The following CSF1R variants were observed in gnomAD, a reference collection of about 807,000 sequenced individuals.
CSF1R encodes colony stimulating factor 1 receptor, also known as macrophage colony-stimulating factor 1 receptor.
A neutral mutation model predicts 110.0 loss-of-function variants in CSF1R; 40 were observed. The ratio of observed to expected loss-of-function variants is 0.36; its 90% CI spans 0.28 to 0.47. The LOEUF (loss-of-function observed/expected upper bound fraction) is 0.47. Among genes scored for constraint, CSF1R ranks in the 20% least tolerant of loss-of-function variants. The probability of loss-of-function intolerance (pLI) is 0.99; values close to 1 mark genes in which losing one functional copy is unlikely to be tolerated. For synonymous variants in CSF1R, 523 were observed against 503.4 expected (o/e 1.04, Z -0.52); for missense variants, 1,052 against 1,253.0 (o/e 0.84, Z 2.42).
intron 12 of CSF1R, among the ~76,000 whole-genome samples, 158 bp from the exon 13 acceptor site, chr5:150,061,130 C>T (rs528454617): frequency 2.6e-5 from 4 of 152,280 alleles, no homozygotes; most frequent in South Asian, 2.1e-4. Flanking sequence ...AGGAAAAATG[C>T]AGACACACAG....
In CSF1R at chr5:150,080,245, C is replaced by T; in HGVS notation, c.399G>A (p.Val133=). The T allele has an allele frequency of 6.2e-7, 1 of 1,614,034 alleles. No individual in the cohort carries two copies. The highest frequency in any genetic ancestry group is 1.3e-5 in the African/African-American group (1 of 75,064). ...ALLPCLLTDP[V]LEAGVSLVRV... ...GCACCAGCGAGACGCCTGCTTCCAG[C>T]ACCGGGTCTGTGAGCAGACAGGGCA... is the stretch of plus-strand genomic sequence containing the variant. The change falls in exon 3 of 21, where the codon GTG becomes GTA. Residue 133 remains valine, a synonymous_variant. Transcript: ENST00000675795.
upstream of CSF1R, among the ~76,000 whole-genome samples, chr5:150,088,077 G>A (rs543415255): frequency 8.1e-4 from 123 of 152,164 alleles, 2 homozygotes; most frequent in African/African-American, 2.8e-3. Flanking sequence ...ATATAACATT[G>A]ATCCAGGAAA....
rs1381683092 is a variant in CSF1R at position 150,080,973 on chromosome 5, G to A, written c.101C>T (p.Pro34Leu). ...EPSVPELVVK[P>L]GATVTLRCVG... ...ACATCGCAAGGTCACCGTTGCTCCT[G>A]GCTTCACGACCAGCTCAGGGACACT... The change falls in exon 2 of 21, where the codon CCA becomes CTA. Residue 34 changes from proline to leucine, a missense_variant. Coordinates refer to ENST00000675795, the MANE Select transcript of CSF1R (RefSeq NM_001288705.3). 6.2e-7 allele frequency: 1 copy of A among 1,614,116 alleles called. No homozygotes were observed. Among genetic ancestry groups the A allele is most frequent in the Middle Eastern group, 1.7e-4 (1 of 6,058 alleles).
chr5:150,112,193 C>G (rs1278480029), intron 1 of CSF1R, among the ~76,000 whole-genome samples: 1 of 151,946 alleles, frequency 6.6e-6, no homozygotes, highest in Non-Finnish European at 1.5e-5. Flanking sequence ...CTGACGACTA[C>G]CCTCACACTT....
intron 1 of CSF1R, among the ~76,000 whole-genome samples, chr5:150,109,899 T>C (rs1759667417): frequency 1.3e-5 from 2 of 152,210 alleles, no homozygotes; most frequent in East Asian, 1.9e-4. Context: ...CAGTAGGAGA[T>C]TGGTGTTAAA....
At chr5:150,068,446 T>G (rs1343853038) in intron 9 of CSF1R, 116 bp from the exon 10 acceptor site, 4 of 653,130 alleles carry the variant, frequency 6.1e-6, no homozygotes, top group Non-Finnish European at 7.9e-6. Context: ...GTTGACTGAA[T>G]GAAGCATCCT....
intron 1 of CSF1R, among the ~76,000 whole-genome samples, chr5:150,112,227 C>A (rs909012732): frequency 5.4e-4 from 37 of 68,370 alleles, no homozygotes; most frequent in African/African-American, 1.5e-3. Flanking sequence ...ACTTCTTTAA[C>A]TAGAAAAACA....
intron 19 of CSF1R, 34 bp downstream of exon 19, chr5:150,055,203 T>C: frequency 6.3e-7 from 1 of 1,578,636 alleles, no homozygotes; most frequent in Non-Finnish European, 8.7e-7. Context: ...AAGCCTGGGG[T>C]GTCCTTTTCC....
In CSF1R at chr5:150,077,306, G is replaced by C. The variant is rs2113824061; in HGVS notation, c.859C>G (p.His287Asp). ...ACCCGGAAGAACATGGAGGTGGAGT[G>C]CTTGCCCTGCACGTTGCTGGCCACG... ...SCVASNVQGK[H>D]STSMFFRVVE... The change falls in exon 5 of 21, where the codon CAC becomes GAC. Residue 287 changes from histidine (H) to aspartate (D), a missense_variant. His to Asp is a moderately conservative substitution (Grantham distance 81). Transcript: ENST00000675795. 1 of 1,614,224 alleles carries C rather than the reference G, an allele frequency of 6.2e-7. No homozygotes were observed. Among genetic ancestry groups the C allele is most frequent in the Non-Finnish European group, 8.5e-7 (1 of 1,180,040 alleles).
intron 1 of CSF1R, among the ~76,000 whole-genome samples, chr5:150,104,818 A>G (rs1391172293): frequency 1.3e-5 from 2 of 152,116 alleles, no homozygotes; most frequent in Non-Finnish European, 1.5e-5. Flanking sequence ...GTGAGTAGGA[A>G]GGTACTCTGT....
At chr5:150,110,912 G>GTTT (rs67908809) in intron 1 of CSF1R, among the ~76,000 whole-genome samples, 121 of 144,704 alleles carry the variant, frequency 8.4e-4, no homozygotes, top group Middle Eastern at 3.6e-3. Flanking sequence ...GTATCAAGTA[G>GTTT]TTTTTTTTTT....
chr5:150,061,884 G>C lies in CSF1R; in HGVS notation c.1627-35C>G, dbSNP rs376759508. The C allele has an allele frequency of 3.7e-6, 6 of 1,613,222 alleles. No individual in the cohort carries two copies. In the African/African-American group the frequency reaches 6.7e-5, roughly 18 times the overall value. Reference sequence around the variant, plus strand: ...AGGAAGGGAGCACGTGGCAGTCGGGGCTGGCAGGCAGTTCCTGGACCTTGT... The same window carrying C: ...AGGAAGGGAGCACGTGGCAGTCGGGCCTGGCAGGCAGTTCCTGGACCTTGT... On this transcript the variant is annotated intron_variant, in intron 10 of 20. Transcript: ENST00000675795.
At position 150,066,264 on chromosome 5, in the gene CSF1R, A is replaced by G. The variant is rs537207433; in HGVS notation, c.1626+1951T>C. 3.2e-3 allele frequency among the ~76,000 whole-genome samples: 486 copies of G among 152,312 alleles called. 5 individuals are homozygous for G. The highest frequency in any genetic ancestry group is 3.6e-3 in the Non-Finnish European group (244 of 68,006). Reference sequence around the variant, plus strand: ...CGTCCAGCACCCCGCTCAGTCCTCTATGTGCGTTGTGGTACGGAATCCCTC... The same window carrying G: ...CGTCCAGCACCCCGCTCAGTCCTCTGTGTGCGTTGTGGTACGGAATCCCTC... On this transcript the variant is annotated intron_variant, in intron 10 of 20. Coordinates refer to ENST00000675795, the MANE Select transcript of CSF1R (RefSeq NM_001288705.3).
chr5:150,068,070 T>G, intron 10 of CSF1R, 145 bp downstream of exon 10: 1 of 643,734 alleles, frequency 1.6e-6, no homozygotes, highest in Non-Finnish European at 2.7e-6. Context: ...AGCTGACTCA[T>G]GTTGGCATAC....
At chr5:150,057,409 C>A (rs764658321) in intron 15 of CSF1R, 25 bp from the exon 16 acceptor site, 2 of 1,612,252 alleles carry the variant, frequency 1.2e-6, no homozygotes, top group South Asian at 1.1e-5. Flanking sequence ...GGCGTCAGGG[C>A]AGCCCTGCCA....
intron 10 of CSF1R, among the ~76,000 whole-genome samples, chr5:150,063,761 T>G (rs1757636833): frequency 6.6e-6 from 1 of 151,914 alleles, no homozygotes; most frequent in East Asian, 1.9e-4. Context: ...AAGACCAAGT[T>G]GAGGGGGAAA....
intron 1 of CSF1R, among the ~76,000 whole-genome samples, chr5:150,098,036 T>C (rs1205523702): frequency 1.3e-5 from 2 of 152,192 alleles, no homozygotes; most frequent in Non-Finnish European, 2.9e-5. Flanking sequence ...GGTGAAAGGA[T>C]AGACATGTAC....
chr5:150,108,840 G>A (rs902477629), intron 1 of CSF1R, among the ~76,000 whole-genome samples: 7 of 152,108 alleles, frequency 4.6e-5, no homozygotes, highest in African/African-American at 1.4e-4. Context: ...TGCTGGAGAG[G>A]GCAGACCTGT....
chr5:150,056,785 C>T (rs749882678), intron 16 of CSF1R, among the ~76,000 whole-genome samples: 7 of 152,146 alleles, frequency 4.6e-5, no homozygotes, highest in Non-Finnish European at 1.0e-4. Flanking sequence ...AACTGAGGCA[C>T]AGAATTTAAA....
Sources: gnomAD v4.1 joint callset for allele counts (sites outside exome capture counted in the v4.1 genomes callset) on GRCh38, gnomAD v4.1.1 for gene constraint, MANE v1.5 for transcripts, NCBI Gene and HGNC (gene_info 2026-07-23, HGNC 2026-07-21) for gene names.